Variants in PDS5A observed in about 807,000 individuals in gnomAD.
The protein encoded by PDS5A is PDS5 cohesin associated factor A.
In PDS5A, 42 loss-of-function variants were observed where a neutral mutation model predicts 167.1. The observed-to-expected ratio is 0.25, with a 90% CI of 0.20 to 0.33. The LOEUF is 0.33. Among genes scored for constraint, PDS5A ranks in the 10% least tolerant of loss-of-function variants. The pLI is 1.00. For missense variants in PDS5A, 1,033 were observed against 1,605.9 expected (o/e 0.64, Z 6.10); for synonymous variants, 553 against 554.6 (o/e 1.00, Z 0.04).
At chr4:39,920,243 G>A (rs1724824080) in intron 7 of PDS5A, 76 bp downstream of exon 7, 2 of 627,830 alleles carry the variant, frequency 3.2e-6, no homozygotes, top group African/African-American at 1.9e-5. Flanking sequence ...AAACTTTTAT[G>A]TAAGAGGTTC....
chr4:39,844,871 T>C (rs953649577), intron 29 of PDS5A, 70 bp from the exon 30 acceptor site: 2 of 1,445,436 alleles, frequency 1.4e-6, no homozygotes, highest in Non-Finnish European at 9.3e-7. Context: ...CATGTAAATT[T>C]AGACACAAGT....
At chr4:39,871,256 C>G (rs1368672367) in intron 21 of PDS5A, among the ~76,000 whole-genome samples, 2 of 152,022 alleles carry the variant, frequency 1.3e-5, no homozygotes, top group Admixed American at 6.6e-5. Context: ...AATTTTAACA[C>G]TTAAAAATAG....
chr4:39,831,528 A>G (rs1715873433), intron 32 of PDS5A, among the ~76,000 whole-genome samples: 1 of 152,242 alleles, frequency 6.6e-6, no homozygotes, highest in Non-Finnish European at 1.5e-5. Flanking sequence ...GATAAAATAT[A>G]TATCAAATAC....
intron 5 of PDS5A, among the ~76,000 whole-genome samples, chr4:39,924,260 T>A (rs1165095720): frequency 6.6e-6 from 1 of 152,010 alleles, no homozygotes; most frequent in Non-Finnish European, 1.5e-5. Context: ...CCAACCCAAA[T>A]AAAATCAACT....
intron 2 of PDS5A, among the ~76,000 whole-genome samples, chr4:39,958,750 A>G (rs1578828374): frequency 6.6e-6 from 1 of 151,872 alleles, no homozygotes; most frequent in East Asian, 2.0e-4. Context: ...TTGGGATTAC[A>G]GGCGCACATC....
At chr4:39,880,665 C>A (rs1720853476) in intron 17 of PDS5A, among the ~76,000 whole-genome samples, 1 of 151,730 alleles carries the variant, frequency 6.6e-6, no homozygotes, top group Admixed American at 6.6e-5. Context: ...AAATTCTTTT[C>A]ACTTATAAAA....
At chr4:39,956,178 T>A (rs1028983256) in intron 2 of PDS5A, among the ~76,000 whole-genome samples, 1 of 151,448 alleles carries the variant, frequency 6.6e-6, no homozygotes, top group African/African-American at 2.4e-5. Flanking sequence ...ACAATTGAGA[T>A]AGCAGCAGTG....
chr4:39,933,926 G>A (rs767551893), intron 2 of PDS5A, among the ~76,000 whole-genome samples: 2 of 152,178 alleles, frequency 1.3e-5, no homozygotes, highest in Non-Finnish European at 2.9e-5. Context: ...AGGTGGTGGT[G>A]TAGTTTCTGC....
At chr4:39,829,722 C>T (rs1578559193) in intron 32 of PDS5A, among the ~76,000 whole-genome samples, 2 of 151,038 alleles carry the variant, frequency 1.3e-5, no homozygotes, top group Admixed American at 6.6e-5. Flanking sequence ...GAGGCCGAGG[C>T]GGGCGGATCA....
At chr4:39,831,616 G>T (rs1036764795) in intron 32 of PDS5A, among the ~76,000 whole-genome samples, 1 of 151,378 alleles carries the variant, frequency 6.6e-6, no homozygotes, top group African/African-American at 2.4e-5. Context: ...GATGGCTCAC[G>T]CCTGCAATCC....
chr4:39,965,844 T>C (rs144864864), intron 2 of PDS5A, among the ~76,000 whole-genome samples: 198 of 152,214 alleles, frequency 1.3e-3, no homozygotes, highest in Middle Eastern at 6.8e-3. Context: ...GATGAAAAAT[T>C]CTGGAGATGA....
chr4:39,902,728 G>A (rs1560468324), intron 12 of PDS5A, among the ~76,000 whole-genome samples: 1 of 152,038 alleles, frequency 6.6e-6, no homozygotes, highest in Non-Finnish European at 1.5e-5. Flanking sequence ...TCCCTATGTT[G>A]CCAAGGCTGA....
intron 18 of PDS5A, among the ~76,000 whole-genome samples, chr4:39,878,985 G>T (rs761794641): frequency 2.3e-4 from 35 of 152,198 alleles, no homozygotes; most frequent in Middle Eastern, 3.4e-3. Context: ...CTTGTGATCT[G>T]CCCGCCTCGG....
chr4:39,894,994 G>A (rs1027001889), intron 16 of PDS5A, among the ~76,000 whole-genome samples: 29 of 152,058 alleles, frequency 1.9e-4, no homozygotes, highest in African/African-American at 5.3e-4. Flanking sequence ...TTGGGAGGCC[G>A]AGGCGGGCGG....
intron 27 of PDS5A, 103 bp from the exon 28 acceptor site, chr4:39,849,073 GGTT>G (rs148085069): frequency 0.012 from 10,053 of 820,312 alleles, 95 homozygotes; most frequent in Non-Finnish European, 0.015. Flanking sequence ...AGGATACTGT[GGTT>G]GTTATTTATT....
intron 32 of PDS5A, among the ~76,000 whole-genome samples, chr4:39,836,675 G>A (rs1482843494): frequency 1.4e-5 from 2 of 140,258 alleles, no homozygotes; most frequent in Non-Finnish European, 3.0e-5. Context: ...TGTTGGCCAC[G>A]TTGGTCTCAA....
chr4:39,940,232 A>G (rs1466439815), intron 2 of PDS5A, among the ~76,000 whole-genome samples: 1 of 152,128 alleles, frequency 6.6e-6, no homozygotes, highest in Non-Finnish European at 1.5e-5. Flanking sequence ...GAAAAAATAA[A>G]AGAAAAAAGA....
chr4:39,957,805 A>AAG (rs1164174320), intron 2 of PDS5A, among the ~76,000 whole-genome samples: 1 of 151,300 alleles, frequency 6.6e-6, no homozygotes, highest in Non-Finnish European at 1.5e-5. Flanking sequence ...AAAAAAAAAA[A>AAG]AGAAATGGAT....
At chr4:39,929,385 C>T (rs931190208) in intron 2 of PDS5A, among the ~76,000 whole-genome samples, 8 of 151,706 alleles carry the variant, frequency 5.3e-5, no homozygotes, top group Non-Finnish European at 1.0e-4. Flanking sequence ...CTACATCTTT[C>T]TCCCGTGCTG....
Sources: gnomAD v4.1 joint callset for allele counts (sites outside exome capture counted in the v4.1 genomes callset) on GRCh38, gnomAD v4.1.1 for gene constraint, MANE v1.5 for transcripts, NCBI Gene and HGNC (gene_info 2026-07-23, HGNC 2026-07-21) for gene names.